MAP4K4: variants seen among roughly 807,000 people sequenced by gnomAD.
MAP4K4 encodes mitogen-activated protein kinase kinase kinase kinase 4.
In MAP4K4, 38 loss-of-function variants were observed where a neutral mutation model predicts 189.6. The observed-to-expected ratio is 0.20, with a 90% CI of 0.15 to 0.26. The LOEUF is 0.26. Ranked by LOEUF, MAP4K4 falls within the 10% of genes least tolerant of loss-of-function variation. The pLI is 1.00. For synonymous variants in MAP4K4, 610 were observed against 624.3 expected, an observed-to-expected ratio of 0.98 and a Z score of 0.34; for missense variants, 1,054 against 1,726.9, an observed-to-expected ratio of 0.61 and a Z score of 6.91.
chr2:101,699,627 G>GTCTAC (rs1164549838), intron 2 of MAP4K4, among the ~76,000 whole-genome samples: 3 of 152,136 alleles, frequency 2.0e-5, no homozygotes, highest in African/African-American at 7.2e-5. Flanking sequence ...GCCGACTGTA[G>GTCTAC]ACCTTTTCTT....
intron 12 of MAP4K4, among the ~76,000 whole-genome samples, chr2:101,846,827 C>T (rs2097125078): frequency 6.6e-6 from 1 of 152,166 alleles, no homozygotes; most frequent in South Asian, 2.1e-4. Context: ...TTTTGGTCAG[C>T]TAGCTGCTTG....
chr2:101,845,555 G>A (rs1215855396), intron 12 of MAP4K4, among the ~76,000 whole-genome samples: 1 of 152,150 alleles, frequency 6.6e-6, no homozygotes, highest in African/African-American at 2.4e-5. Flanking sequence ...CTACAAACCT[G>A]TACAGCATGT....
rs745447660 is a variant in MAP4K4, at chr2:101,825,449, A to G, written c.417+20A>G. The G allele has an allele frequency of 2.6e-6, 4 of 1,518,916 alleles. No homozygotes were observed. The highest frequency in any genetic ancestry group is 3.6e-6 in the Non-Finnish European group (4 of 1,096,002). The allele number at this position is 1,518,916 out of a possible 1,614,324, so 94.1% of individuals were successfully genotyped here. ...CTGAGGGTAAGGAAAGTGGGTGGCT[A>G]CAGTGCTCCAACTCATGATCCTGTG... On this transcript the variant is annotated intron_variant, in intron 5 of 32. Transcript: ENST00000324219.
intron 2 of MAP4K4, among the ~76,000 whole-genome samples, chr2:101,705,596 T>C (rs979451583): frequency 1.3e-5 from 2 of 152,216 alleles, no homozygotes; most frequent in African/African-American, 2.4e-5. Context: ...TCAAAAGACA[T>C]TTTCCCATGT....
At chr2:101,856,490 A>G (rs2097467726) in intron 13 of MAP4K4, among the ~76,000 whole-genome samples, 1 of 152,202 alleles carries the variant, frequency 6.6e-6, no homozygotes, top group African/African-American at 2.4e-5. Context: ...TAACTTTTAA[A>G]AAAAAAATGA....
At chr2:101,817,835 G>A (rs1429460360) in intron 3 of MAP4K4, among the ~76,000 whole-genome samples, 1 of 152,144 alleles carries the variant, frequency 6.6e-6, no homozygotes, top group Non-Finnish European at 1.5e-5. Context: ...TATTGAGCAG[G>A]CTGTTGTTAA....
chr2:101,731,821 A>G (rs1478460632), intron 2 of MAP4K4, among the ~76,000 whole-genome samples: 1 of 151,984 alleles, frequency 6.6e-6, no homozygotes, highest in Non-Finnish European at 1.5e-5. Flanking sequence ...AATAAACCAG[A>G]ATAATGCACC....
chr2:101,698,908 C>T (rs1029981423), intron 2 of MAP4K4, among the ~76,000 whole-genome samples: 11 of 152,182 alleles, frequency 7.2e-5, no homozygotes, highest in Non-Finnish European at 1.3e-4. Flanking sequence ...GGCCTTGCCT[C>T]TGACGATCCT....
intron 2 of MAP4K4, among the ~76,000 whole-genome samples, chr2:101,773,359 C>T (rs1296009323): frequency 6.6e-6 from 1 of 152,236 alleles, no homozygotes; most frequent in Non-Finnish European, 1.5e-5. Flanking sequence ...TCTCACTGAG[C>T]AGACAGGAAA....
At chr2:101,870,945 G>A (rs1577133237) in intron 23 of MAP4K4, among the ~76,000 whole-genome samples, 1 of 152,152 alleles carries the variant, frequency 6.6e-6, no homozygotes, top group African/African-American at 2.4e-5. Context: ...ATAATTAAAT[G>A]TGTGCCACCC....
exon 27 of MAP4K4, chr2:101,877,061 A>G: frequency 6.2e-7 from 1 of 1,614,038 alleles, no homozygotes; most frequent in Non-Finnish European, 8.5e-7. Context: ...GAAGTGGCCA[A>G]GGGAAGGTCT....
intron 2 of MAP4K4, among the ~76,000 whole-genome samples, chr2:101,704,567 A>ATATTT (rs2041127435): frequency 8.5e-5 from 2 of 23,398 alleles, no homozygotes; most frequent in African/African-American, 6.4e-4. Flanking sequence ...ATATATATAT[A>ATATTT]TTTTTTTTTT....
chr2:101,796,907 T>G (rs1169371384), intron 3 of MAP4K4, among the ~76,000 whole-genome samples: 2 of 152,230 alleles, frequency 1.3e-5, no homozygotes, highest in African/African-American at 2.4e-5. Context: ...GAATCTGGCC[T>G]CTGCCTGTCA....
At chr2:101,800,212 T>C (rs7560542) in intron 3 of MAP4K4, among the ~76,000 whole-genome samples, 112,443 of 151,904 alleles carry the variant, frequency 0.74, 41,860 homozygotes, top group African/African-American at 0.83. Context: ...TTACTGCAGC[T>C]TCAACTTCCC....
intron 2 of MAP4K4, among the ~76,000 whole-genome samples, chr2:101,767,894 C>T (rs1187813049): frequency 6.6e-6 from 1 of 152,142 alleles, no homozygotes; most frequent in Non-Finnish European, 1.5e-5. Context: ...CTGTTTCTCC[C>T]CTCACCCCCC....
intron 21 of MAP4K4, among the ~76,000 whole-genome samples, chr2:101,868,633 G>A (rs1030560573): frequency 3.9e-5 from 6 of 152,140 alleles, no homozygotes; most frequent in African/African-American, 7.2e-5. Context: ...CCTTTTATAC[G>A]TGGTGTCACA....
Position 101,875,462 on chromosome 2 carries a change from A to G in MAP4K4, c.3241+1210A>G, listed in dbSNP as rs188413582. ...CAAATGTTGGGATAATCCCAACTCA[A>G]TCAACTCTATAAGGACCAGGCATGA... On this transcript the variant is annotated intron_variant, in intron 26 of 32. Transcript: ENST00000324219. Among the ~76,000 whole-genome samples the G allele has an allele frequency of 1.4e-3, 210 of 152,174 alleles. 1 individual carries two copies. Among genetic ancestry groups the G allele is most frequent in the African/African-American group, 4.9e-3 (202 of 41,494 alleles).
intron 2 of MAP4K4, among the ~76,000 whole-genome samples, chr2:101,743,147 C>T (rs1285536125): frequency 1.3e-5 from 2 of 152,068 alleles, no homozygotes; most frequent in Non-Finnish European, 2.9e-5. Context: ...GTAGGTTAAC[C>T]ACATGTTAAC....
chr2:101,836,705 G>A (rs2096766163), intron 9 of MAP4K4, among the ~76,000 whole-genome samples: 2 of 152,278 alleles, frequency 1.3e-5, no homozygotes, highest in Admixed American at 1.3e-4. Context: ...ATTGAAGTTA[G>A]ACATACCAGC....
Sources: allele counts gnomAD v4.1 joint callset (sites outside exome capture counted in the v4.1 genomes callset), GRCh38; gene constraint gnomAD v4.1.1; transcripts MANE v1.5; gene names NCBI Gene and HGNC (gene_info 2026-07-23, HGNC 2026-07-21).